Variants in JDP2 observed in about 807,000 individuals in gnomAD.
JDP2 encodes the protein progesterone receptor co-activator.
A neutral mutation model predicts 17.1 loss-of-function variants in JDP2; 9 were observed. The ratio of observed to expected loss-of-function variants is 0.53; its 90% CI spans 0.32 to 0.92. JDP2 has a LOEUF of 0.92. Among genes scored for constraint, JDP2 ranks in the 40% least tolerant of loss-of-function variants. The pLI is 0.04. For missense variants in JDP2, 179 were observed against 220.0 expected (o/e 0.81, Z 1.18); for synonymous variants, 107 against 95.6 (o/e 1.12, Z -0.69).
intron 2 of JDP2, among the ~76,000 whole-genome samples, chr14:75,440,101 G>T (rs565706205): frequency 6.6e-6 from 1 of 152,136 alleles, no homozygotes; most frequent in East Asian, 1.9e-4. Context: ...CCCCAAATTG[G>T]TGGCATCTGC....
Position 75,438,084 on chromosome 14 carries a change from T to C in JDP2, c.164T>C (p.Val55Ala). ...ATTGCACCCTTGCACTTCCTGGAGG[T>C]GAAACTGGGCAAGAGGCCCCAGCCC... ...AMIAPLHFLE[V>A]KLGKRPQPVK... Residue 55 changes from valine (V) to alanine (A), a missense_variant, in exon 2 of 4, where the codon GTG (valine) becomes GCG (alanine). By Grantham distance (64) the Val-to-Ala change is moderately conservative (BLOSUM62 0). Coordinates refer to ENST00000651602, the MANE Select transcript of JDP2 (RefSeq NM_001135048.2). 1 of 1,613,116 alleles carries C rather than the reference T, an allele frequency of 6.2e-7. No individual in the cohort carries two copies. The highest frequency in any genetic ancestry group is 1.1e-5 in the South Asian group (1 of 90,968).
In JDP2 at chr14:75,461,492, C is replaced by A; in HGVS notation, c.268C>A (p.Arg90=). The part of the protein sequence containing the change: ...EKNKVAAARC[R]NKKKERTEFL... ...GAACAAAGTCGCAGCAGCCCGATGC[C>A]GGAACAAGAAGAAGGAGCGCACGGA... The change falls in exon 3 of 4, where the codon CGG becomes AGG. Residue 90 remains arginine, a synonymous_variant. Coordinates refer to ENST00000651602, the MANE Select transcript of JDP2 (RefSeq NM_001135048.2). 6.2e-7 allele frequency: 1 copy of A among 1,609,762 alleles called. No individual in the cohort carries two copies. The highest frequency in any genetic ancestry group is 8.5e-7 in the Non-Finnish European group (1 of 1,178,890).
chr14:75,443,024 A>C (rs909222), intron 2 of JDP2, among the ~76,000 whole-genome samples: 81,473 of 151,800 alleles, frequency 0.54, 23,311 homozygotes, highest in African/African-American at 0.75. Flanking sequence ...TCAGAGCTGG[A>C]GAGGAGACTT....
intron 1 of JDP2, among the ~76,000 whole-genome samples, chr14:75,431,261 T>C (rs1884784498): frequency 1.3e-5 from 2 of 152,214 alleles, no homozygotes; most frequent in African/African-American, 4.8e-5. Context: ...GCGCCTACAT[T>C]AGGCAGAGGA....
intron 1 of JDP2, among the ~76,000 whole-genome samples, chr14:75,434,728 G>A (rs1263220080): frequency 2.6e-5 from 4 of 152,108 alleles, no homozygotes; most frequent in Non-Finnish European, 5.9e-5. Flanking sequence ...ATCTCCCAGA[G>A]ATGGAAGGCT....
intron 2 of JDP2, among the ~76,000 whole-genome samples, chr14:75,453,278 G>C (rs1885950498): frequency 6.6e-6 from 1 of 152,182 alleles, no homozygotes; most frequent in Non-Finnish European, 1.5e-5. Context: ...GGGTGCTCAT[G>C]GGTCCCTGGT....
At chr14:75,433,842 TC>T (rs1273831926) in intron 1 of JDP2, among the ~76,000 whole-genome samples, 1 of 152,162 alleles carries the variant, frequency 6.6e-6, no homozygotes, top group Non-Finnish European at 1.5e-5. Flanking sequence ...AAGCCCCTTT[TC>T]CCAATGTTGG....
intron 1 of JDP2, among the ~76,000 whole-genome samples, chr14:75,434,818 T>G (rs1884986360): frequency 6.6e-6 from 1 of 152,172 alleles, no homozygotes; most frequent in South Asian, 2.1e-4. Context: ...GAGGTGAAAT[T>G]ACAGCCTGAT....
chr14:75,469,183 A>G lies in JDP2; in HGVS notation c.307-107A>G, dbSNP rs144584040. The G allele has an allele frequency of 2.5e-4, 251 of 1,018,340 alleles. No homozygotes were observed. In the African/African-American group the frequency reaches 3.8e-3, roughly 15 times the overall value. 63.1% of individuals were successfully genotyped at this position (1,018,340 alleles called of 1,614,324 possible). Reference sequence around the variant, plus strand: ...AGGGTCTGTGCTTCTTCCTGCAGAAAACAGGCCAGTGCCAGCCCAGCGTGC... The same window carrying G: ...AGGGTCTGTGCTTCTTCCTGCAGAAGACAGGCCAGTGCCAGCCCAGCGTGC... On this transcript the variant is annotated intron_variant, in intron 3 of 3. Coordinates refer to ENST00000651602, the MANE Select transcript of JDP2 (RefSeq NM_001135048.2).
At chr14:75,439,868 C>T (rs1311611045) in intron 2 of JDP2, among the ~76,000 whole-genome samples, 1 of 152,070 alleles carries the variant, frequency 6.6e-6, no homozygotes, top group Non-Finnish European at 1.5e-5. Context: ...CCATTTAGAG[C>T]CAGTAGCTGA....
rs370272733 is a variant in JDP2 at position 75,430,532 on chromosome 14, CATT to C, written c.-24+2284_-24+2286del. On this transcript the variant is annotated intron_variant, in intron 1 of 3. Transcript: ENST00000651602. This position sits in a 1 kb window ranked among gnomAD's most constrained non-coding sequence, Gnocchi z 4.5. ...TATAGGCAGGGGAGGGCAGCAGGCA[CATT>C]ATTTTTCCATTTTCCTTTAATTAAG... Among the ~76,000 whole-genome samples, 8 of 151,992 alleles carry C rather than the reference CATT, an allele frequency of 5.3e-5. No individual in the cohort carries two copies. The highest frequency in any genetic ancestry group is 1.9e-4 in the African/African-American group (8 of 41,348).
intron 2 of JDP2, chr14:75,444,988 A>T: frequency 2.2e-6 from 1 of 449,696 alleles, no homozygotes; most frequent in Non-Finnish European, 2.9e-6. Flanking sequence ...CTGTGGTGTT[A>T]ATGTCATCGT....
At chr14:75,451,622 C>T (rs187954624) in intron 2 of JDP2, among the ~76,000 whole-genome samples, 16 of 152,202 alleles carry the variant, frequency 1.1e-4, no homozygotes, top group South Asian at 8.3e-4. Flanking sequence ...GAAAACAGCC[C>T]GGAAGGGATG....
At chr14:75,450,471 T>G (rs1885797065) in intron 2 of JDP2, among the ~76,000 whole-genome samples, 1 of 152,216 alleles carries the variant, frequency 6.6e-6, no homozygotes, top group Non-Finnish European at 1.5e-5. Flanking sequence ...GGGCAATGGC[T>G]TATCCACCCG....
At chr14:75,458,636 C>A (rs1213355510) in intron 2 of JDP2, among the ~76,000 whole-genome samples, 1 of 152,130 alleles carries the variant, frequency 6.6e-6, no homozygotes, top group Non-Finnish European at 1.5e-5. Context: ...AATACACATG[C>A]CTGTGTCTTT....
chr14:75,450,106 C>T (rs1885781622), intron 2 of JDP2, among the ~76,000 whole-genome samples: 2 of 152,146 alleles, frequency 1.3e-5, no homozygotes, highest in Admixed American at 1.3e-4. Flanking sequence ...GTTGGGAGGG[C>T]CCTGGTCAGA....
chr14:75,456,889 G>T (rs971408866), intron 2 of JDP2, among the ~76,000 whole-genome samples: 1 of 152,194 alleles, frequency 6.6e-6, no homozygotes, highest in South Asian at 2.1e-4. Flanking sequence ...GTGAGGCGGG[G>T]CTGCTCTGCA....
At chr14:75,441,802 C>T (rs1249482880) in intron 2 of JDP2, among the ~76,000 whole-genome samples, 1 of 152,170 alleles carries the variant, frequency 6.6e-6, no homozygotes, top group Non-Finnish European at 1.5e-5. Context: ...CCTCTGTAGC[C>T]CCTCACAGCT....
In JDP2 at chr14:75,438,109, C is replaced by T. The variant is rs748977822; in HGVS notation, c.189C>T (p.Pro63=). Residue 63 remains proline (P), a synonymous_variant, in exon 2 of 4, where the codon CCC becomes CCT. Coordinates refer to ENST00000651602, the MANE Select transcript of JDP2 (RefSeq NM_001135048.2). Reference sequence around the variant, plus strand: ...TGAAACTGGGCAAGAGGCCCCAGCCCGTGAAAAGTGAGGTGAGCGAGCCTT... The same window carrying T: ...TGAAACTGGGCAAGAGGCCCCAGCCTGTGAAAAGTGAGGTGAGCGAGCCTT... ...LEVKLGKRPQ[P]VKSELDEEEE... 17 of 1,608,444 alleles carry T rather than the reference C, an allele frequency of 1.1e-5. No individual in the cohort carries two copies. Among genetic ancestry groups the T allele is most frequent in the South Asian group, 6.6e-5 (6 of 90,562 alleles).
Sources: allele counts gnomAD v4.1 joint callset (sites outside exome capture counted in the v4.1 genomes callset), GRCh38; gene constraint gnomAD v4.1.1; non-coding constraint Gnocchi (gnomAD v3.1); transcripts MANE v1.5; gene names NCBI Gene and HGNC (gene_info 2026-07-23, HGNC 2026-07-21).